ARHGAP15: variants seen among roughly 807,000 people sequenced by gnomAD.
ARHGAP15 encodes Rho GTPase activating protein 15, also known as rho GTPase-activating protein 15.
A neutral mutation model predicts 63.7 loss-of-function variants in ARHGAP15; 51 were observed. The ratio of observed to expected loss-of-function variants is 0.80; its 90% CI spans 0.64 to 1.01. The LOEUF is 1.01. ARHGAP15 is among the 50% of genes least tolerant of loss of function. ARHGAP15 has a pLI of 0.00. For missense variants in ARHGAP15, 560 were observed against 564.6 expected (o/e 0.99, Z 0.08); for synonymous variants, 191 against 193.8 (o/e 0.99, Z 0.12).
At chr2:143,410,817 T>G (rs2105021606) in intron 6 of ARHGAP15, among the ~76,000 whole-genome samples, 1 of 151,884 alleles carries the variant, frequency 6.6e-6, no homozygotes, top group East Asian at 1.9e-4. Context: ...TGAAGGTTTT[T>G]TTTTTTTTTT....
intron 12 of ARHGAP15, among the ~76,000 whole-genome samples, chr2:143,692,392 C>G (rs1022471636): frequency 6.6e-6 from 1 of 152,062 alleles, no homozygotes; most frequent in Non-Finnish European, 1.5e-5. Context: ...TAGAAGTCTC[C>G]GACTTTCATT....
chr2:143,644,652 G>A lies in ARHGAP15; in HGVS notation c.1138+20385G>A, dbSNP rs181331202. Among the ~76,000 whole-genome samples the A allele has an allele frequency of 5.1e-4, 78 of 152,178 alleles. 2 individuals carry two copies. Among genetic ancestry groups the A allele is most frequent in the African/African-American group, 1.7e-3 (69 of 41,548 alleles). On this transcript the variant is annotated intron_variant, in intron 12 of 13. Transcript: ENST00000295095. ...ACTGAATTTTTACAGTGACTGGAAC[G>A]TTGAATAGCCAGTCAGAAGTTGACA...
chr2:143,403,888 A>G (rs1236412127), intron 6 of ARHGAP15, among the ~76,000 whole-genome samples: 1 of 151,526 alleles, frequency 6.6e-6, no homozygotes. Context: ...TATCCATGCA[A>G]GACTCTCGGG....
In ARHGAP15 at chr2:143,401,857, C is replaced by T. The variant is rs562378738; in HGVS notation, c.475-33744C>T. On this transcript the variant is annotated intron_variant, in intron 6 of 13. Transcript: ENST00000295095. ...TACAGTTAAACTAAACTTTTTAGAA[C>T]GAGCAAAATTGCATTTGTTTTGCAG... is the stretch of plus-strand genomic sequence containing the variant. Among the ~76,000 whole-genome samples, 32 of 151,978 alleles carry T rather than the reference C, an allele frequency of 2.1e-4. 1 individual carries two copies. The highest frequency in any genetic ancestry group is 5.8e-4 in the East Asian group (3 of 5,182).
chr2:143,526,745 G>A (rs1244568193), intron 10 of ARHGAP15, among the ~76,000 whole-genome samples: 1 of 152,152 alleles, frequency 6.6e-6, no homozygotes, highest in Admixed American at 6.6e-5. Context: ...AAAGCTTTCA[G>A]GTTTTCAAAA....
chr2:143,739,195 G>A (rs898970913), intron 13 of ARHGAP15, among the ~76,000 whole-genome samples: 4 of 152,144 alleles, frequency 2.6e-5, no homozygotes, highest in African/African-American at 9.7e-5. Context: ...CGCAGGTGAA[G>A]TATACTTGGA....
chr2:143,537,258 A>T (rs1574597927), intron 10 of ARHGAP15, among the ~76,000 whole-genome samples: 1 of 152,066 alleles, frequency 6.6e-6, no homozygotes, highest in East Asian at 1.9e-4. Flanking sequence ...CTTTGAGTTC[A>T]TTGTAGATTC....
At chr2:143,689,048 C>T (rs961315232) in intron 12 of ARHGAP15, among the ~76,000 whole-genome samples, 1 of 151,958 alleles carries the variant, frequency 6.6e-6, no homozygotes, top group Non-Finnish European at 1.5e-5. Context: ...TGGTTTCTTC[C>T]TCAAGTATAC....
intron 11 of ARHGAP15, among the ~76,000 whole-genome samples, chr2:143,560,567 A>C (rs914351048): frequency 6.6e-6 from 1 of 152,240 alleles, no homozygotes; most frequent in Non-Finnish European, 1.5e-5. Context: ...GCTGTTGATT[A>C]TCTCTTTATA....
At chr2:143,141,844 A>T (rs1382073509) in intron 1 of ARHGAP15, among the ~76,000 whole-genome samples, 2 of 152,064 alleles carry the variant, frequency 1.3e-5, no homozygotes, top group Non-Finnish European at 2.9e-5. Flanking sequence ...ACATCAGAGG[A>T]GCAATGTTCC....
intron 6 of ARHGAP15, among the ~76,000 whole-genome samples, chr2:143,361,638 C>G (rs1000453917): frequency 3.9e-5 from 6 of 152,042 alleles, no homozygotes; most frequent in African/African-American, 1.4e-4. Context: ...TAGTGTCCAT[C>G]TTTACTATTT....
intron 13 of ARHGAP15, 71 bp from the exon 14 acceptor site, chr2:143,767,918 A>T: frequency 7.1e-7 from 1 of 1,409,172 alleles, no homozygotes; most frequent in Non-Finnish European, 9.7e-7. Flanking sequence ...AACCTTTTTT[A>T]ATCACTCCAA....
intron 6 of ARHGAP15, among the ~76,000 whole-genome samples, chr2:143,361,009 G>A (rs925136013): frequency 8.8e-5 from 13 of 147,384 alleles, no homozygotes; most frequent in East Asian, 2.0e-4. Flanking sequence ...TTGTAACACC[G>A]TCCATGTCTC....
intron 13 of ARHGAP15, among the ~76,000 whole-genome samples, chr2:143,735,740 G>A (rs1019325025): frequency 6.6e-6 from 1 of 152,012 alleles, no homozygotes. Flanking sequence ...GCAAGAAGAA[G>A]AAGAATGACT....
rs71404481 is a variant in ARHGAP15 at position 143,673,784 on chromosome 2, A to AT, written c.1139-29635_1139-29634insT. Among the ~76,000 whole-genome samples the AT allele has an allele frequency of 9.9e-4, 113 of 113,978 alleles. 2 individuals carry two copies. Among genetic ancestry groups the AT allele is most frequent in the Middle Eastern group, 4.5e-3 (1 of 222 alleles). 74.8% of individuals were successfully genotyped at this position (113,978 alleles called of 152,430 possible). A position where few individuals can be genotyped will look rare whatever the true frequency, so the allele number is the denominator to read the frequency against. ...TATATATATATATATATATATATAT[A>AT]AACAACTCCTGCAAATTCATAAGAC... On this transcript the variant is annotated intron_variant, in intron 12 of 13. Transcript: ENST00000295095.
At chr2:143,363,321 CTT>C (rs1335347157) in intron 6 of ARHGAP15, among the ~76,000 whole-genome samples, 1 of 152,138 alleles carries the variant, frequency 6.6e-6, no homozygotes, top group African/African-American at 2.4e-5. Context: ...AGGAGGATCA[CTT>C]GAGGCCAGGA....
At chr2:143,156,701 T>C (rs1015171153) in intron 2 of ARHGAP15, among the ~76,000 whole-genome samples, 42 of 152,110 alleles carry the variant, frequency 2.8e-4, no homozygotes, top group African/African-American at 5.8e-4. Flanking sequence ...TCCTCAGGTG[T>C]TGTAGACAAA....
At chr2:143,427,250 A>G (rs959172576) in intron 6 of ARHGAP15, among the ~76,000 whole-genome samples, 2 of 152,206 alleles carry the variant, frequency 1.3e-5, no homozygotes, top group Non-Finnish European at 2.9e-5. Flanking sequence ...ATAGGAGACT[A>G]GTGGCAACAA....
intron 6 of ARHGAP15, among the ~76,000 whole-genome samples, chr2:143,329,974 C>A (rs1373997637): frequency 6.8e-6 from 1 of 146,364 alleles, no homozygotes. Flanking sequence ...CAGCTGTAGT[C>A]CCAGCTACTC....
Sources: gnomAD v4.1 joint callset for allele counts (sites outside exome capture counted in the v4.1 genomes callset) on GRCh38, gnomAD v4.1.1 for gene constraint, MANE v1.5 for transcripts, NCBI Gene and HGNC (gene_info 2026-07-23, HGNC 2026-07-21) for gene names.